ILRUN: variants seen among roughly 807,000 people sequenced by gnomAD.
ILRUN encodes protein ILRUN.
In ILRUN, 3 loss-of-function variants were observed where a neutral mutation model predicts 33.8. That is an observed-to-expected ratio of 0.09 (90% CI 0.04 to 0.23). The LOEUF is 0.23. Ranked by LOEUF, ILRUN falls within the 10% of genes least tolerant of loss-of-function variation. The pLI is 1.00. For synonymous variants in ILRUN, 124 were observed against 138.9 expected (o/e 0.89, Z 0.75); for missense variants, 210 against 375.1 (o/e 0.56, Z 3.64).
intron 3 of ILRUN, among the ~76,000 whole-genome samples, chr6:34,611,102 C>T (rs1453937586): frequency 4.9e-5 from 6 of 121,928 alleles, no homozygotes; most frequent in South Asian, 3.0e-4. Flanking sequence ...TTTCTGATGT[C>T]TTTTTTTTTT....
intron 1 of ILRUN, among the ~76,000 whole-genome samples, chr6:34,655,317 A>T (rs930719375): frequency 1.2e-4 from 18 of 152,180 alleles, no homozygotes; most frequent in African/African-American, 3.1e-4. Context: ...ATGTGCACAT[A>T]ATACAGAAAA....
At position 34,682,023 on chromosome 6, in the gene ILRUN, TATA is replaced by T. The variant is rs770937499; in HGVS notation, c.158+14420_158+14422del. 4.6e-3 allele frequency among the ~76,000 whole-genome samples: 478 copies of T among 103,104 alleles called. 3 individuals carry two copies. Among genetic ancestry groups the T allele is most frequent in the East Asian group, 7.1e-3 (25 of 3,502 alleles). The allele number at this position is 103,104 out of a possible 152,430, so 67.6% of individuals were successfully genotyped here. On this transcript the variant is annotated intron_variant, in intron 1 of 4. Coordinates refer to ENST00000374023, the MANE Select transcript of ILRUN (RefSeq NM_024294.4). ...CATGCCACCACACCCCACTAATTCT[TATA>T]TTTTTATTTTTTTACTTTTTTTTTT...
chr6:34,611,388 A>C (rs999691727), intron 3 of ILRUN, among the ~76,000 whole-genome samples: 1 of 152,178 alleles, frequency 6.6e-6, no homozygotes, highest in Admixed American at 6.5e-5. Context: ...CCACTGATTT[A>C]TAAACACCAA....
chr6:34,665,931 T>C (rs1228112778), intron 1 of ILRUN, among the ~76,000 whole-genome samples: 1 of 151,096 alleles, frequency 6.6e-6, no homozygotes, highest in Non-Finnish European at 1.5e-5. Context: ...TCAAAGTACC[T>C]TCAGTTTCAT....
At chr6:34,683,445 TATATATACATATATATAC>T (rs1763428141) in intron 1 of ILRUN, among the ~76,000 whole-genome samples, 2 of 108,466 alleles carry the variant, frequency 1.8e-5, no homozygotes, top group African/African-American at 1.0e-4. Flanking sequence ...TATATACATA[TATATATACATATATATAC>T]ATATATATAC....
intron 3 of ILRUN, among the ~76,000 whole-genome samples, chr6:34,619,646 C>T (rs907256559): frequency 1.3e-5 from 2 of 152,182 alleles, no homozygotes; most frequent in Admixed American, 6.5e-5. Flanking sequence ...TGAGCCACCA[C>T]ATCTGGCCTC....
intron 1 of ILRUN, among the ~76,000 whole-genome samples, chr6:34,680,748 T>C (rs1763342503): frequency 6.6e-6 from 1 of 152,100 alleles, no homozygotes; most frequent in South Asian, 2.1e-4. Context: ...CTATTTTTTA[T>C]TTTTATATTT....
chr6:34,617,353 G>C (rs1416594474), intron 3 of ILRUN: 4 of 314,652 alleles, frequency 1.3e-5, no homozygotes, highest in Admixed American at 8.6e-5. Flanking sequence ...AGCAGGTCTT[G>C]ACATCTTTGT....
intron 3 of ILRUN, among the ~76,000 whole-genome samples, chr6:34,615,595 TAAACAAAAACAA>T (rs1013071808): frequency 6.6e-6 from 1 of 152,010 alleles, no homozygotes; most frequent in Non-Finnish European, 1.5e-5. Context: ...GACTCCATCT[TAAACAAAAACAA>T]AAACAAAAAC....
At chr6:34,664,139 G>A (rs1762950150) in intron 1 of ILRUN, among the ~76,000 whole-genome samples, 1 of 152,180 alleles carries the variant, frequency 6.6e-6, no homozygotes, top group Non-Finnish European at 1.5e-5. Context: ...TTGAACTTGT[G>A]ACCTCCAGAA....
intron 1 of ILRUN, among the ~76,000 whole-genome samples, chr6:34,695,782 G>C (rs1038555402): frequency 3.3e-5 from 5 of 151,104 alleles, no homozygotes; most frequent in African/African-American, 4.9e-5. Context: ...TCCATGTGTC[G>C]ATTTACTAGT....
intron 1 of ILRUN, among the ~76,000 whole-genome samples, chr6:34,689,542 A>T (rs1006907481): frequency 2.0e-5 from 3 of 151,752 alleles, no homozygotes; most frequent in Admixed American, 1.3e-4. Context: ...TTTGACACAC[A>T]TTTATTTAAG....
intron 4 of ILRUN, among the ~76,000 whole-genome samples, chr6:34,605,821 C>T (rs1444721218): frequency 6.6e-6 from 1 of 152,132 alleles, no homozygotes; most frequent in African/African-American, 2.4e-5. Flanking sequence ...GCTTAATATG[C>T]AGCATTATTA....
intron 3 of ILRUN, among the ~76,000 whole-genome samples, chr6:34,621,627 G>A (rs904748626): frequency 2.0e-5 from 3 of 152,180 alleles, no homozygotes; most frequent in Non-Finnish European, 4.4e-5. Flanking sequence ...GGGTGGCCGA[G>A]GCAGGCAGAT....
chr6:34,619,975 ACT>A (rs1293808774), intron 3 of ILRUN, among the ~76,000 whole-genome samples: 2 of 134,218 alleles, frequency 1.5e-5, no homozygotes, highest in Non-Finnish European at 1.6e-5. Flanking sequence ...ACAGAGCAAG[ACT>A]CTGTCTCCAA....
rs78360536 is a variant in ILRUN at position 34,654,884 on chromosome 6, T to C, written c.159-105A>G. 5.1e-4 allele frequency: 571 copies of C among 1,116,068 alleles called. 3 individuals are homozygous for C. In the African/African-American group the frequency reaches 6.7e-3, roughly 13 times the overall value. The allele number at this position is 1,116,068 out of a possible 1,614,324, so 69.1% of individuals were successfully genotyped here. Reference sequence around the variant, plus strand: ...GTTTCTTAGGGTTTGTCACAGAACCTGAGGCTCCTGGTATACACGTCTTTA... The same window carrying C: ...GTTTCTTAGGGTTTGTCACAGAACCCGAGGCTCCTGGTATACACGTCTTTA... On this transcript the variant is annotated intron_variant, in intron 1 of 4. Transcript: ENST00000374023.
intron 3 of ILRUN, among the ~76,000 whole-genome samples, chr6:34,627,193 T>C (rs1022029443): frequency 6.6e-6 from 1 of 152,210 alleles, no homozygotes; most frequent in African/African-American, 2.4e-5. Context: ...CTTCTTTCAC[T>C]TGGTAATATG....
chr6:34,590,641 A>T, intron 4 of ILRUN, 41 bp from the exon 5 acceptor site: 1 of 1,434,884 alleles, frequency 7.0e-7, no homozygotes, highest in Non-Finnish European at 9.8e-7. Flanking sequence ...TACACATAGC[A>T]GTGCAACTTG....
intron 1 of ILRUN, among the ~76,000 whole-genome samples, chr6:34,684,269 C>T (rs1449492536): frequency 6.6e-6 from 1 of 152,142 alleles, no homozygotes; most frequent in East Asian, 1.9e-4. Context: ...CCATCTGGCA[C>T]CTAAACATAT....
Sources: gnomAD v4.1 joint callset for allele counts (sites outside exome capture counted in the v4.1 genomes callset) on GRCh38, gnomAD v4.1.1 for gene constraint, MANE v1.5 for transcripts, NCBI Gene and HGNC (gene_info 2026-07-23, HGNC 2026-07-21) for gene names.